Variants in TNFAIP8 observed in about 807,000 individuals in gnomAD.
TNFAIP8 encodes the protein tumor necrosis factor alpha-induced protein 8.
A neutral mutation model predicts 13.3 loss-of-function variants in TNFAIP8; 7 were observed. The observed-to-expected ratio is 0.52, with a 90% CI of 0.30 to 0.99. The LOEUF is 0.99. Among genes scored for constraint, TNFAIP8 ranks in the 50% least tolerant of loss-of-function variants. The probability of loss-of-function intolerance (pLI) is 0.07; values close to 1 mark genes in which losing one functional copy is unlikely to be tolerated. For synonymous variants in TNFAIP8, 94 were observed against 87.6 expected, an observed-to-expected ratio of 1.07 and a Z score of -0.41; for missense variants, 258 against 236.9, an observed-to-expected ratio of 1.09 and a Z score of -0.58.
chr5:119,354,444 C>G (rs1751305228), upstream of TNFAIP8: 1 of 152,134 alleles, frequency 6.6e-6, no homozygotes, highest in Admixed American at 6.5e-5. Context: ...GATTTAATAT[C>G]TAGACCTCTT....
intron 1 of TNFAIP8, among the ~76,000 whole-genome samples, chr5:119,297,806 T>C (rs1197422606): frequency 1.3e-5 from 2 of 152,238 alleles, no homozygotes; most frequent in African/African-American, 4.8e-5. Flanking sequence ...TGGGCACATA[T>C]ATATTTAGGA....
At chr5:119,355,799 C>G (rs112846635), upstream of TNFAIP8, 1 of 614,850 alleles carries the variant, frequency 1.6e-6, no homozygotes, top group South Asian at 7.2e-5. Context: ...CTGCGTGCGC[C>G]CGGGCCGAGC....
chr5:119,340,371 T>C (rs1285793291), intron 1 of TNFAIP8, among the ~76,000 whole-genome samples: 2 of 152,164 alleles, frequency 1.3e-5, no homozygotes, highest in Non-Finnish European at 2.9e-5. Flanking sequence ...TTCAGGAACA[T>C]TGGGCTAGGC....
intron 1 of TNFAIP8, among the ~76,000 whole-genome samples, chr5:119,273,551 T>C (rs1461303521): frequency 6.6e-6 from 1 of 152,190 alleles, no homozygotes; most frequent in Non-Finnish European, 1.5e-5. Flanking sequence ...TTTATGTGCC[T>C]GAGAACGAAG....
chr5:119,312,868 T>C (rs1749777018), intron 1 of TNFAIP8, among the ~76,000 whole-genome samples: 1 of 149,840 alleles, frequency 6.7e-6, no homozygotes, highest in Admixed American at 6.7e-5. Flanking sequence ...AATAGGCAAA[T>C]GTGGTAATTA....
intron 1 of TNFAIP8, among the ~76,000 whole-genome samples, chr5:119,378,802 A>G (rs964239774): frequency 6.6e-6 from 1 of 152,190 alleles, no homozygotes; most frequent in African/African-American, 2.4e-5. Flanking sequence ...GGCTGGGCGC[A>G]GTGGTTCACG....
At chr5:119,361,174 G>A (rs551357551) in intron 1 of TNFAIP8, among the ~76,000 whole-genome samples, 1 of 152,334 alleles carries the variant, frequency 6.6e-6, no homozygotes, top group African/African-American at 2.4e-5. Context: ...AGCAGGCCCG[G>A]TGCACTCTGG....
intron 1 of TNFAIP8, among the ~76,000 whole-genome samples, chr5:119,336,085 C>T (rs1750543637): frequency 6.6e-6 from 1 of 151,908 alleles, no homozygotes; most frequent in African/African-American, 2.4e-5. Flanking sequence ...AGTACAGAGG[C>T]TTAAGGGAGG....
rs3055625 is a variant in TNFAIP8, at chr5:119,314,170, A to AAAAC, written c.1+45295_1+45298dup. Among the ~76,000 whole-genome samples, 264 of 151,024 alleles carry AAAAC rather than the reference A, an allele frequency of 1.7e-3. 1 individual carries two copies. Among genetic ancestry groups the AAAAC allele is most frequent in the African/African-American group, 2.8e-3 (116 of 41,028 alleles). ...GCAATATAGCGAGATGCTGTCTCTAAAAACAAACAAACAAACAAACAAACA... is the reference window on the plus strand; with the variant it reads ...GCAATATAGCGAGATGCTGTCTCTAAAAACAAACAAACAAACAAACAAACAAACA... On this transcript the variant is annotated intron_variant, in intron 1 of 1. Coordinates refer to the TNFAIP8 transcript ENST00000274456.
intron 1 of TNFAIP8, among the ~76,000 whole-genome samples, chr5:119,386,462 G>A (rs184860071): frequency 4.6e-5 from 7 of 152,310 alleles, no homozygotes; most frequent in Admixed American, 4.6e-4. Flanking sequence ...ACAATAAAGG[G>A]AATCTGGAAG....
At position 119,365,203 on chromosome 5, in the gene TNFAIP8, C is replaced by T. The variant is rs544284391; in HGVS notation, c.31+9082C>T. Among the ~76,000 whole-genome samples the T allele has an allele frequency of 5.9e-5, 9 of 152,178 alleles. No homozygotes were observed. The South Asian group carries it at 1.7e-3, about 28-fold the overall frequency. The stretch of plus-strand genomic sequence containing the variant: ...CTTTGGCCTTCACTTCCTCTCTCCT[C>T]GTATTTTTTTCTTCCTGTGACAGGA... On this transcript the variant is annotated intron_variant, in intron 1 of 1. Transcript: ENST00000504771.
At chr5:119,337,910 G>C (rs1311161366) in intron 1 of TNFAIP8, among the ~76,000 whole-genome samples, 2 of 152,234 alleles carry the variant, frequency 1.3e-5, no homozygotes, top group African/African-American at 2.4e-5. Flanking sequence ...TAGAAGTGCA[G>C]AAATGCAGTT....
rs1753102276 is a variant in TNFAIP8 at position 119,397,506 on chromosome 5, T to C, written c.*4125T>C. 2 of 152,274 alleles carry C rather than the reference T, an allele frequency of 1.3e-5. No individual in the cohort carries two copies. Among genetic ancestry groups the C allele is most frequent in the Non-Finnish European group, 2.9e-5 (2 of 68,054 alleles). The allele number at this position is 152,274 out of a possible 1,614,324, so 9.4% of individuals were successfully genotyped here. On this transcript the variant is annotated 3_prime_UTR_variant, in exon 2 of 2. Coordinates refer to ENST00000504771, the MANE Select transcript of TNFAIP8 (RefSeq NM_014350.4). ...GAACTTTTCAGTGTTTTACTTGATA[T>C]ATTGCATTCTTGAGCATTAGGCTTC...
At chr5:119,287,617 C>A (rs906619224) in intron 1 of TNFAIP8, among the ~76,000 whole-genome samples, 2 of 152,178 alleles carry the variant, frequency 1.3e-5, no homozygotes, top group Non-Finnish European at 2.9e-5. Context: ...CCAAACCCAG[C>A]CCCTGGCAGC....
upstream of TNFAIP8, among the ~76,000 whole-genome samples, chr5:119,352,550 T>A (rs905690395): frequency 6.6e-6 from 1 of 152,176 alleles, no homozygotes; most frequent in Admixed American, 6.5e-5. Context: ...TGAATGTGAG[T>A]GGAATATTTG....
intron 1 of TNFAIP8, among the ~76,000 whole-genome samples, chr5:119,304,538 C>T (rs1749494362): frequency 6.6e-6 from 1 of 152,206 alleles, no homozygotes; most frequent in Admixed American, 6.5e-5. Context: ...ATGCACACAC[C>T]ATAGGCAAAG....
intron 1 of TNFAIP8, among the ~76,000 whole-genome samples, chr5:119,293,404 G>A (rs1749058902): frequency 6.6e-6 from 1 of 152,094 alleles, no homozygotes; most frequent in South Asian, 2.1e-4. Flanking sequence ...TCATTTCTGA[G>A]TTCAGCTTTT....
Position 119,293,059 on chromosome 5 carries a change from G to T in TNFAIP8, c.1+24152G>T, listed in dbSNP as rs116767782. ...AATGGCAGGAGTCCTTTTTAATTTT[G>T]TTTTTAAATTTTACTTTAATTGACA... On this transcript the variant is annotated intron_variant, in intron 1 of 1. Coordinates refer to the TNFAIP8 transcript ENST00000274456. 8.1e-3 allele frequency among the ~76,000 whole-genome samples: 1,236 copies of T among 151,858 alleles called. 12 individuals are homozygous for T. Among genetic ancestry groups the T allele is most frequent in the African/African-American group, 0.029 (1,182 of 41,380 alleles).
At position 119,294,926 on chromosome 5, in the gene TNFAIP8, A is replaced by T. The variant is rs542157267; in HGVS notation, c.1+26019A>T. On this transcript the variant is annotated intron_variant, in intron 1 of 1. Transcript: ENST00000274456. ...TTGTAAATTTGTTTGAGTTCATTGT[A>T]GATTCTGGATATTAGCCCTTTGTCA... Among the ~76,000 whole-genome samples the T allele has an allele frequency of 5.9e-5, 9 of 151,798 alleles. No homozygotes were observed. In the East Asian group the frequency reaches 1.8e-3, roughly 30 times the overall value.
Sources: gnomAD v4.1 joint callset for allele counts (sites outside exome capture counted in the v4.1 genomes callset) on GRCh38, gnomAD v4.1.1 for gene constraint, MANE v1.5 for transcripts, NCBI Gene and HGNC (gene_info 2026-07-23, HGNC 2026-07-21) for gene names.